Variants in CDH4 observed in about 807,000 individuals in gnomAD.
The protein encoded by CDH4 is cadherin 4.
A neutral mutation model predicts 86.0 loss-of-function variants in CDH4; 33 were observed. That is an observed-to-expected ratio of 0.38 (90% confidence interval 0.29 to 0.51). The LOEUF (loss-of-function observed/expected upper bound fraction) is 0.51, where lower values mean the gene tolerates loss of function less well. Among genes scored for constraint, CDH4 ranks in the 20% least tolerant of loss-of-function variants. The pLI is 0.86. For synonymous variants in CDH4, 555 were observed against 549.4 expected, an observed-to-expected ratio of 1.01 and a Z score of -0.14; for missense variants, 1,114 against 1,307.4, an observed-to-expected ratio of 0.85 and a Z score of 2.28.
At chr20:61,583,978 G>T (rs1036404055) in intron 2 of CDH4, among the ~76,000 whole-genome samples, 6 of 152,260 alleles carry the variant, frequency 3.9e-5, no homozygotes, top group Middle Eastern at 3.4e-3. Context: ...GGCCAACATG[G>T]TGAAACCCTG....
chr20:61,919,704 A>T (rs534905841), intron 9 of CDH4, among the ~76,000 whole-genome samples: 1 of 151,822 alleles, frequency 6.6e-6, no homozygotes, highest in Non-Finnish European at 1.5e-5. Flanking sequence ...AGGAACCTGC[A>T]TAATTGCGTG....
intron 2 of CDH4, among the ~76,000 whole-genome samples, chr20:61,503,106 G>A (rs893579537): frequency 3.9e-5 from 6 of 152,330 alleles, no homozygotes; most frequent in Admixed American, 3.3e-4. Context: ...ACCTTGATGA[G>A]GACTGGGCAG....
At chr20:61,405,374 G>C (rs143050145) in intron 2 of CDH4, among the ~76,000 whole-genome samples, 1 of 151,876 alleles carries the variant, frequency 6.6e-6, no homozygotes, top group Admixed American at 6.6e-5. Flanking sequence ...CATCACCATG[G>C]TGCTGATGTT....
In CDH4 at chr20:61,726,852, TGCCATCATCATCACC is replaced by T. The variant is rs1363849005; in HGVS notation, c.170-16710_170-16696del. ...CCATCACTGCCATCATCACCATCACTGCCATCATCATCACCATCGGAGGCATCACCATTGGTGCCA... is the reference window on the plus strand; with the variant it reads ...CCATCACTGCCATCATCACCATCACTATCGGAGGCATCACCATTGGTGCCA... On this transcript the variant is annotated intron_variant, in intron 2 of 15. Coordinates refer to ENST00000614565, the MANE Select transcript of CDH4 (RefSeq NM_001794.5). Among the ~76,000 whole-genome samples, 682 of 80,620 alleles carry T rather than the reference TGCCATCATCATCACC, an allele frequency of 8.5e-3. 3 individuals are homozygous for T. Among genetic ancestry groups the T allele is most frequent in the African/African-American group, 0.039 (655 of 16,828 alleles). The allele number at this position is 80,620 out of a possible 152,430, so 52.9% of individuals were successfully genotyped here. A position where few individuals can be genotyped will look rare whatever the true frequency, so the allele number is the denominator to read the frequency against.
At chr20:61,262,217 C>CG (rs2084131797) in intron 2 of CDH4, among the ~76,000 whole-genome samples, 1 of 152,166 alleles carries the variant, frequency 6.6e-6, no homozygotes, top group South Asian at 2.1e-4. Flanking sequence ...GGCTCCCTGA[C>CG]GGCCTCTCTT....
At chr20:61,565,566 G>T (rs187624965) in intron 2 of CDH4, among the ~76,000 whole-genome samples, 2,618 of 152,160 alleles carry the variant, frequency 0.017, 77 homozygotes, top group African/African-American at 0.06. Context: ...TGAGGCCCAT[G>T]AGGTCCCATG....
At chr20:61,487,965 C>T (rs1016125311) in intron 2 of CDH4, among the ~76,000 whole-genome samples, 3 of 152,224 alleles carry the variant, frequency 2.0e-5, no homozygotes, top group Non-Finnish European at 4.4e-5. Context: ...CTTCAAGCCA[C>T]GGTTGTCATG....
At chr20:61,654,000 G>T (rs184053185) in intron 2 of CDH4, among the ~76,000 whole-genome samples, 1 of 151,840 alleles carries the variant, frequency 6.6e-6, no homozygotes, top group Non-Finnish European at 1.5e-5. Context: ...AGGCAGAGAC[G>T]CTCCTCACTT....
chr20:61,540,942 C>A (rs562885730), intron 2 of CDH4, among the ~76,000 whole-genome samples: 72 of 152,226 alleles, frequency 4.7e-4, no homozygotes, highest in Admixed American at 8.5e-4. Context: ...ATAAGCTGTT[C>A]AAGCCCGTGC....
chr20:61,559,664 G>A (rs1462532103), intron 2 of CDH4, among the ~76,000 whole-genome samples: 3 of 151,502 alleles, frequency 2.0e-5, no homozygotes, highest in East Asian at 3.9e-4. Flanking sequence ...GACTACAGGC[G>A]TGTGCTGCTT....
At chr20:61,672,573 T>C (rs1025630017) in intron 2 of CDH4, among the ~76,000 whole-genome samples, 1 of 152,052 alleles carries the variant, frequency 6.6e-6, no homozygotes. Context: ...AGAAATGAGG[T>C]GTGATTCCAA....
rs148387985 is a variant in CDH4 at position 61,847,783 on chromosome 20, T to TGA, written c.732+2976_732+2977dup. Among the ~76,000 whole-genome samples the TGA allele has an allele frequency of 6.1e-4, 89 of 145,166 alleles. 1 individual carries two copies. The highest frequency in any genetic ancestry group is 1.3e-3 in the South Asian group (6 of 4,526). On this transcript the variant is annotated intron_variant, in intron 5 of 15. Coordinates refer to ENST00000614565, the MANE Select transcript of CDH4 (RefSeq NM_001794.5). ...GAGCAGACGTCCCACGTGGCAGGAG[T>TGA]GAGAGAGAGAGAGAGAGGGACGGAG...
intron 2 of CDH4, among the ~76,000 whole-genome samples, chr20:61,644,469 C>G (rs1454615188): frequency 6.6e-6 from 1 of 152,214 alleles, no homozygotes; most frequent in Non-Finnish European, 1.5e-5. Flanking sequence ...CTGCACCCCT[C>G]AAGTCCTGGT....
chr20:61,746,058 C>T (rs2088410761), intron 3 of CDH4, among the ~76,000 whole-genome samples: 4 of 152,098 alleles, frequency 2.6e-5, no homozygotes, highest in African/African-American at 7.2e-5. Flanking sequence ...GTCCCAGGCT[C>T]AGCGCACCCT....
intron 2 of CDH4, among the ~76,000 whole-genome samples, chr20:61,559,519 C>CTTTTTTTTTTTTTTTT (rs1156864328): frequency 1.3e-4 from 14 of 105,176 alleles, no homozygotes; most frequent in East Asian, 2.7e-4. Flanking sequence ...ATTTTTTTTT[C>CTTTTTTTTTTTTTTTT]TTTTTTTTTT....
At chr20:61,556,014 G>A (rs1283483582) in intron 2 of CDH4, among the ~76,000 whole-genome samples, 2 of 152,118 alleles carry the variant, frequency 1.3e-5, no homozygotes, top group South Asian at 2.1e-4. Context: ...GCACGAAGCC[G>A]CCCTCTCTCT....
intron 8 of CDH4, among the ~76,000 whole-genome samples, chr20:61,899,291 AAAAAG>A (rs200861309): frequency 0.017 from 2,544 of 151,972 alleles, 53 homozygotes; most frequent in African/African-American, 0.054. Context: ...CTCAAAAAAA[AAAAAG>A]AAAAGAAGAG....
At chr20:61,742,827 C>A (rs1449378035) in intron 2 of CDH4, among the ~76,000 whole-genome samples, 1 of 152,150 alleles carries the variant, frequency 6.6e-6, no homozygotes, top group Non-Finnish European at 1.5e-5. Context: ...CATCCTGGTG[C>A]CTACTGGTTA....
intron 2 of CDH4, among the ~76,000 whole-genome samples, chr20:61,565,918 T>C (rs1490960876): frequency 2.6e-5 from 4 of 152,178 alleles, no homozygotes; most frequent in African/African-American, 9.6e-5. Context: ...CCCTCTGTCC[T>C]CATGGGGTTC....
Sources: allele counts gnomAD v4.1 joint callset (sites outside exome capture counted in the v4.1 genomes callset), GRCh38; gene constraint gnomAD v4.1.1; transcripts MANE v1.5; gene names NCBI Gene and HGNC (gene_info 2026-07-23, HGNC 2026-07-21).